ZCCHC2: variants seen among roughly 807,000 people sequenced by gnomAD.
ZCCHC2 encodes zinc finger CCHC-type containing 2, also known as zinc finger CCHC domain-containing protein 2.
ZCCHC2 carries 39 observed loss-of-function variants against 103.6 expected under a neutral mutation model. The observed-to-expected ratio is 0.38, with a 90% CI of 0.29 to 0.49. ZCCHC2 has a LOEUF of 0.49. Among genes scored for constraint, ZCCHC2 ranks in the 20% least tolerant of loss-of-function variants. ZCCHC2 has a pLI of 0.96. For missense variants in ZCCHC2, 1,483 were observed against 1,491.0 expected (o/e 0.99, Z 0.09); for synonymous variants, 687 against 608.9 (o/e 1.13, Z -1.89).
At chr18:62,570,020 A>G in intron 11 of ZCCHC2, 83 bp from the exon 12 acceptor site, 1 of 1,369,244 alleles carries the variant, frequency 7.3e-7, no homozygotes, top group Non-Finnish European at 9.8e-7. Context: ...AAATATAGCT[A>G]AAATTAATTT....
chr18:62,538,408 A>G (rs1291316815), intron 1 of ZCCHC2, among the ~76,000 whole-genome samples: 1 of 152,184 alleles, frequency 6.6e-6, no homozygotes, highest in Non-Finnish European at 1.5e-5. Context: ...GAGAAGCAGA[A>G]TCTCTCGTGG....
chr18:62,583,566 A>G (rs1284978952), downstream of ZCCHC2, among the ~76,000 whole-genome samples: 1 of 152,176 alleles, frequency 6.6e-6, no homozygotes, highest in Non-Finnish European at 1.5e-5. Flanking sequence ...TGATTGCAAA[A>G]GCATTCTAAG....
At chr18:62,527,375 C>T (rs907431638) in intron 1 of ZCCHC2, among the ~76,000 whole-genome samples, 1 of 152,088 alleles carries the variant, frequency 6.6e-6, no homozygotes, top group African/African-American at 2.4e-5. Context: ...TAGTGACATG[C>T]CATGGTTACA....
intron 4 of ZCCHC2, among the ~76,000 whole-genome samples, chr18:62,547,189 G>C (rs1472325236): frequency 6.6e-6 from 1 of 152,020 alleles, no homozygotes; most frequent in Non-Finnish European, 1.5e-5. Context: ...AGCCAGGCAT[G>C]GTGGCGGGCG....
chr18:62,524,349 G>C lies in ZCCHC2; in HGVS notation c.925G>C (p.Gly309Arg). ...GGAGGTAGAGCCGTGCAAGTTTGCC[G>C]GCCCCAGGGCCCAGGTAAGGCGCAC... Reference protein sequence around the residue: ...EVEVEPCKFAGPRAQNNSAHG... With the variant: ...EVEVEPCKFARPRAQNNSAHG... Residue 309 changes from glycine (G) to arginine (R), a missense_variant, in exon 1 of 14, where the codon GGC (glycine) becomes CGC (arginine). Transcript: ENST00000269499. 8 of 1,526,378 alleles carry C rather than the reference G, an allele frequency of 5.2e-6. No homozygotes were observed. Among genetic ancestry groups the C allele is most frequent in the Non-Finnish European group, 7.0e-6 (8 of 1,137,988 alleles). The allele number at this position is 1,526,378 out of a possible 1,614,324, so 94.6% of individuals were successfully genotyped here. A position where few individuals can be genotyped will look rare whatever the true frequency, so the allele number is the denominator to read the frequency against.
chr18:62,530,909 C>G (rs1331675422), intron 1 of ZCCHC2, among the ~76,000 whole-genome samples: 1 of 152,152 alleles, frequency 6.6e-6, no homozygotes, highest in Non-Finnish European at 1.5e-5. Flanking sequence ...CTGTTTTGCA[C>G]TTTTGTTAAG....
intron 8 of ZCCHC2, among the ~76,000 whole-genome samples, chr18:62,562,766 C>T (rs1000592729): frequency 3.9e-5 from 6 of 152,184 alleles, no homozygotes; most frequent in African/African-American, 7.2e-5. Context: ...TGATCACCAT[C>T]GCATAGTGTC....
At position 62,539,677 on chromosome 18, in the gene ZCCHC2, C is replaced by A. The variant is rs1169764866; in HGVS notation, c.940-4C>A. 2 of 1,578,706 alleles carry A rather than the reference C, an allele frequency of 1.3e-6. No homozygotes were observed. The highest frequency in any genetic ancestry group is 1.7e-6 in the Non-Finnish European group (2 of 1,161,104). ...GTTAACGTATCTCCCTCTTTCTCAT[C>A]TAGAACAACTCTGCTCATGGTGATT... On this transcript the variant is annotated splice_polypyrimidine_tract_variant and splice_region_variant and intron_variant, in intron 1 of 13. Transcript: ENST00000269499.
intron 12 of ZCCHC2, among the ~76,000 whole-genome samples, chr18:62,571,077 T>C (rs1168406297): frequency 6.6e-6 from 1 of 152,368 alleles, no homozygotes; most frequent in Non-Finnish European, 1.5e-5. Context: ...TTAAGTTTTC[T>C]GGTCAGCCTC....
At chr18:62,583,466 G>A (rs913502042), downstream of ZCCHC2, among the ~76,000 whole-genome samples, 1 of 152,070 alleles carries the variant, frequency 6.6e-6, no homozygotes, top group African/African-American at 2.4e-5. Context: ...GAGAAAGCAC[G>A]GTGTAAAATA....
intron 13 of ZCCHC2, 80 bp downstream of exon 13, chr18:62,575,630 G>A (rs1916812026): frequency 6.8e-7 from 1 of 1,472,054 alleles, no homozygotes; most frequent in African/African-American, 1.4e-5. Context: ...ATGGGATTCT[G>A]TTGTAGCAGA....
At chr18:62,565,623 A>G (rs1425747090) in intron 11 of ZCCHC2, among the ~76,000 whole-genome samples, 3 of 151,924 alleles carry the variant, frequency 2.0e-5, no homozygotes, top group African/African-American at 7.3e-5. Flanking sequence ...TTTTAGGTTC[A>G]AGGTTCATTT....
intron 3 of ZCCHC2, among the ~76,000 whole-genome samples, chr18:62,543,365 G>A (rs1478167447): frequency 6.6e-6 from 1 of 152,108 alleles, no homozygotes; most frequent in Admixed American, 6.5e-5. Context: ...TTCTCATGGA[G>A]AGCAGGAATC....
At chr18:62,552,724 CAA>C (rs1393368584) in intron 5 of ZCCHC2, among the ~76,000 whole-genome samples, 103 of 151,670 alleles carry the variant, frequency 6.8e-4, no homozygotes, top group African/African-American at 2.3e-3. Context: ...CCCATCTCTA[CAA>C]AAAAAATTTT....
At chr18:62,549,360 A>C (rs1915566072) in intron 4 of ZCCHC2, among the ~76,000 whole-genome samples, 1 of 152,262 alleles carries the variant, frequency 6.6e-6, no homozygotes, top group African/African-American at 2.4e-5. Context: ...CTTGCAATCT[A>C]CTGTACCCAC....
chr18:62,561,413 TG>T (rs1033738120), intron 8 of ZCCHC2, among the ~76,000 whole-genome samples: 6 of 152,312 alleles, frequency 3.9e-5, no homozygotes, highest in African/African-American at 1.4e-4. Context: ...AAACCGTCTG[TG>T]ATTTCTTACT....
chr18:62,558,936 G>T (rs1191606989), intron 7 of ZCCHC2, among the ~76,000 whole-genome samples, 166 bp downstream of exon 7: 1 of 152,208 alleles, frequency 6.6e-6, no homozygotes, highest in Non-Finnish European at 1.5e-5. Context: ...TGTGGAGAAA[G>T]AATAAATTGT....
At chr18:62,562,163 A>G (rs781215629) in intron 8 of ZCCHC2, among the ~76,000 whole-genome samples, 3 of 148,688 alleles carry the variant, frequency 2.0e-5, no homozygotes, top group Non-Finnish European at 4.5e-5. Context: ...TGCCTGGCTA[A>G]TTTTTTTTTT....
intron 1 of ZCCHC2, among the ~76,000 whole-genome samples, chr18:62,532,725 T>C (rs1450463228): frequency 6.6e-6 from 1 of 152,230 alleles, no homozygotes. Context: ...TGATTCTTTG[T>C]CTTTTTAACA....
Sources: gnomAD v4.1 joint callset for allele counts (sites outside exome capture counted in the v4.1 genomes callset) on GRCh38, gnomAD v4.1.1 for gene constraint, MANE v1.5 for transcripts, NCBI Gene and HGNC (gene_info 2026-07-23, HGNC 2026-07-21) for gene names.